The following ISG20L2 variants were observed in gnomAD, a reference collection of about 807,000 sequenced individuals.
The protein encoded by ISG20L2 is interferon stimulated exonuclease gene 20 like 2.
ISG20L2 carries 14 observed loss-of-function variants against 27.8 expected under a neutral mutation model. That is an observed-to-expected ratio of 0.50 (90% CI 0.33 to 0.79). The LOEUF (loss-of-function observed/expected upper bound fraction) is 0.79. Ranked by LOEUF, ISG20L2 falls within the 30% of genes least tolerant of loss-of-function variation. ISG20L2 has a pLI of 0.02. For missense variants in ISG20L2, 393 were observed against 435.1 expected (o/e 0.90, Z 0.86); for synonymous variants, 157 against 165.7 (o/e 0.95, Z 0.40).
In ISG20L2 at chr1:156,727,397, T is replaced by A; in HGVS notation, c.256A>T (p.Asn86Tyr). 1 of 1,614,226 alleles carries A rather than the reference T, an allele frequency of 6.2e-7. No individual in the cohort carries two copies. ...TTGTCCAGGGGCTGTCCTGACCCAT[T>A]GCTGGAAGCAGCTGTCTTCTTTTTT... ...FPKKKTAASSNGSGQPLDKKA... is the reference protein window; with the variant it reads ...FPKKKTAASSYGSGQPLDKKA... The change falls in exon 2 of 4, where the codon AAT becomes TAT. Residue 86 changes from asparagine (N) to tyrosine (Y), a missense_variant. Physicochemically the swap from Asn to Tyr is moderately radical, Grantham distance 143. This residue lies in a region of ISG20L2 where 183 missense variants were observed against 168.2 expected (regional missense o/e 1.09). Transcript: ENST00000368219.
In ISG20L2 at chr1:156,727,447, C is replaced by T. The variant is rs981079721; in HGVS notation, c.206G>A (p.Gly69Asp). 21 of 1,613,894 alleles carry T rather than the reference C, an allele frequency of 1.3e-5. No homozygotes were observed. Among genetic ancestry groups the T allele is most frequent in the Non-Finnish European group, 1.5e-5 (18 of 1,180,014 alleles). Residue 69 changes from glycine (G) to aspartate (D), a missense_variant, in exon 2 of 4, where the codon GGC (glycine) becomes GAC (aspartate). Physicochemically the swap from Gly to Asp is moderately conservative, Grantham distance 94 (BLOSUM62 -1). This residue lies in a region of ISG20L2 where 183 missense variants were observed against 168.2 expected (regional missense o/e 1.09). Transcript: ENST00000368219. ...SKKGETPTVDGTWKTPSFPKK... is the reference protein window; with the variant it reads ...SKKGETPTVDDTWKTPSFPKK... ...TGGGAAGGAAGGGGTCTTCCAAGTG[C>T]CATCGACCGTAGGAGTTTCCCCTTT...
Position 156,724,144 on chromosome 1 carries a change from C to T in ISG20L2, c.948+4G>A, listed in dbSNP as rs887199006. 1.2e-6 allele frequency: 2 copies of T among 1,612,872 alleles called. No individual in the cohort carries two copies. On this transcript the variant is annotated splice_donor_region_variant and intron_variant, in intron 3 of 3. Coordinates refer to ENST00000368219, the MANE Select transcript of ISG20L2 (RefSeq NM_001370150.2). The stretch of plus-strand genomic sequence containing the variant: ...TGGGGGCGGGGGATGTGGGGAGATG[C>T]TACCTGGATATCCCGGTTTAGCAGC...
Position 156,728,504 on chromosome 1 carries a change from C to A in ISG20L2, c.-207G>T. On this transcript the variant is annotated 5_prime_UTR_variant, in exon 1 of 4. Transcript: ENST00000368219. ...GACGAAGCCCGGGAAGGCAGGCGCG[C>A]GGGTTAGAACGCGCCAGAGGTCGGC... 1.0e-6 allele frequency: 1 copy of A among 985,470 alleles called. No individual in the cohort carries two copies. The highest frequency in any genetic ancestry group is 1.2e-6 in the Non-Finnish European group (1 of 829,872). The allele number at this position is 985,470 out of a possible 1,614,324, so 61.0% of individuals were successfully genotyped here.
intron 1 of ISG20L2, chr1:156,728,076 G>C (rs1648889319): frequency 1.0e-6 from 1 of 1,002,522 alleles, no homozygotes; most frequent in Non-Finnish European, 1.2e-6. Flanking sequence ...CTGAGTCTAA[G>C]AGGCTAGAAC....
At position 156,727,249 on chromosome 1, in the gene ISG20L2, C is replaced by A; in HGVS notation, c.404G>T (p.Arg135Leu). The change falls in exon 2 of 4, where the codon CGC (arginine) becomes CTC (leucine). Residue 135 changes from arginine to leucine, a missense_variant. This residue lies in a region of ISG20L2 where 183 missense variants were observed against 168.2 expected (regional missense o/e 1.09). Coordinates refer to ENST00000368219, the MANE Select transcript of ISG20L2 (RefSeq NM_001370150.2). ...CTTCTGGGAGCTCTTCTTCTGAGAGCGGGTTGGGTGGCTATTGATCTTTGG... is the reference window on the plus strand; with the variant it reads ...CTTCTGGGAGCTCTTCTTCTGAGAGAGGGTTGGGTGGCTATTGATCTTTGG... The part of the protein sequence containing the change: ...ALPKINSHPT[R>L]SQKKSSQKKS... The A allele has an allele frequency of 1.2e-6, 2 of 1,613,980 alleles. No individual in the cohort carries two copies. Among genetic ancestry groups the A allele is most frequent in the South Asian group, 1.1e-5 (1 of 91,078 alleles).
At position 156,723,563 on chromosome 1, in the gene ISG20L2, G is replaced by C. The variant is rs1648627353; in HGVS notation, c.949-101C>G. ...CTCTTCCCCCTGCCTCCGCTACACAGTTTCTTCTGCAGTCAGCAGCCTACA... is the reference window on the plus strand; with the variant it reads ...CTCTTCCCCCTGCCTCCGCTACACACTTTCTTCTGCAGTCAGCAGCCTACA... On this transcript the variant is annotated intron_variant, in intron 3 of 3. Transcript: ENST00000368219. 5.2e-6 allele frequency: 8 copies of C among 1,538,876 alleles called. No homozygotes were observed. The South Asian group carries it at 9.8e-5, about 19-fold the overall frequency.
Position 156,728,685 on chromosome 1 carries a change from A to T in ISG20L2, c.-388T>A. The T allele has an allele frequency of 1.0e-6, 1 of 989,062 alleles. No homozygotes were observed. The highest frequency in any genetic ancestry group is 4.5e-5 in the South Asian group (1 of 22,410). The allele number at this position is 989,062 out of a possible 1,614,324, so 61.3% of individuals were successfully genotyped here. A position where few individuals can be genotyped will look rare whatever the true frequency, so the allele number is the denominator to read the frequency against. On this transcript the variant is annotated 5_prime_UTR_variant, in exon 1 of 4. Coordinates refer to ENST00000368219, the MANE Select transcript of ISG20L2 (RefSeq NM_001370150.2). Reference sequence around the variant, plus strand: ...TCTAGCCCCGTGGTGGTACAACGCGAAGGTGTGGGAAGGCCGCGATAAACC... The same window carrying T: ...TCTAGCCCCGTGGTGGTACAACGCGTAGGTGTGGGAAGGCCGCGATAAACC...
At chr1:156,724,802 A>T in intron 2 of ISG20L2, 1 of 395,420 alleles carries the variant, frequency 2.5e-6, no homozygotes, top group Non-Finnish European at 3.4e-6. Context: ...TGGGTACTAG[A>T]GGAAGAGAAT....
intron 3 of ISG20L2, 128 bp from the exon 4 acceptor site, chr1:156,723,590 A>C: frequency 1.3e-6 from 2 of 1,481,860 alleles, no homozygotes; most frequent in South Asian, 1.3e-5. Flanking sequence ...CAGCCTACAA[A>C]GACAGAATTC....
At chr1:156,726,162 A>T (rs1283612673) in intron 2 of ISG20L2, 1 of 985,298 alleles carries the variant, frequency 1.0e-6, no homozygotes, top group Non-Finnish European at 1.2e-6. Context: ...CAGTTGGACA[A>T]TATATACCCC....
rs201545907 is a variant in ISG20L2, at chr1:156,724,286, G to C, written c.810C>G (p.Ala270=). The C allele has an allele frequency of 6.2e-6, 10 of 1,613,950 alleles. No individual in the cohort carries two copies. Among genetic ancestry groups the C allele is most frequent in the Non-Finnish European group, 6.8e-6 (8 of 1,179,952 alleles). Residue 270 remains alanine, a synonymous_variant, in exon 3 of 4, where the codon GCC becomes GCG. Coordinates refer to ENST00000368219, the MANE Select transcript of ISG20L2 (RefSeq NM_001370150.2). ...VGHAIHNDFK[A]LQYFHPKSLT... ...GGGACTTGGGGTGAAAGTACTGAAG[G>C]GCTTTGAAGTCGTTGTGGATGGCAT...
chr1:156,723,844 G>A (rs201886332), intron 3 of ISG20L2: 21 of 1,251,500 alleles, frequency 1.7e-5, no homozygotes, highest in East Asian at 1.5e-4. Context: ...GAAATATAGC[G>A]TGTAAAATAC....
intron 2 of ISG20L2, 40 bp from the exon 3 acceptor site, chr1:156,724,388 T>A (rs773488563): frequency 1.5e-5 from 23 of 1,551,918 alleles, no homozygotes; most frequent in Non-Finnish European, 2.0e-5. Context: ...GAAGGAAGAC[T>A]GAAGTGGAAC....
rs1648825740 is a variant in ISG20L2, at chr1:156,727,300, A to T, written c.353T>A (p.Leu118Ter). ...KADSVAAKVDLLGEFQSALPK... is the reference protein window; with the variant it reads ...KADSVAAKVD ...AAGGGCACTCTGGAACTCCCCCAGC[A>T]AATCTACTTTAGCAGCAACAGAATC... is the stretch of plus-strand genomic sequence containing the variant. The change falls in exon 2 of 4, where the codon TTG becomes TAG. Residue 118 changes from leucine (L) to a stop codon, truncating the protein, a stop_gained. Coordinates refer to ENST00000368219, the MANE Select transcript of ISG20L2 (RefSeq NM_001370150.2). LOFTEE classifies it high-confidence loss of function. The T allele has an allele frequency of 1.2e-6, 2 of 1,614,084 alleles. No individual in the cohort carries two copies. The highest frequency in any genetic ancestry group is 1.7e-6 in the Non-Finnish European group (2 of 1,180,040).
chr1:156,724,158 C>T lies in ISG20L2; in HGVS notation c.938G>A (p.Arg313Gln), dbSNP rs749501052. The change falls in exon 3 of 4, where the codon CGG (arginine) becomes CAG (glutamine). Residue 313 changes from arginine to glutamine, a missense_variant. By Grantham distance (43) the Arg-to-Gln change is conservative. Coordinates refer to ENST00000368219, the MANE Select transcript of ISG20L2 (RefSeq NM_001370150.2). ...LKHLTKKLLNRDIQVGKSGHS... is the reference protein window; with the variant it reads ...LKHLTKKLLNQDIQVGKSGHS... ...GTGGGGAGATGCTACCTGGATATCC[C>T]GGTTTAGCAGCTTCTTGGTGAGATG... 24 of 1,613,042 alleles carry T rather than the reference C, an allele frequency of 1.5e-5. No individual in the cohort carries two copies. Among genetic ancestry groups the T allele is most frequent in the Non-Finnish European group, 1.7e-5 (20 of 1,179,778 alleles).
chr1:156,728,760 G>A lies in ISG20L2; in HGVS notation c.-463C>T, dbSNP rs1160015560. The A allele has an allele frequency of 4.8e-6, 5 of 1,039,304 alleles. No homozygotes were observed. Among genetic ancestry groups the A allele is most frequent in the Non-Finnish European group, 5.8e-6 (5 of 862,540 alleles). The allele number at this position is 1,039,304 out of a possible 1,614,324, so 64.4% of individuals were successfully genotyped here. A position where few individuals can be genotyped will look rare whatever the true frequency, so the allele number is the denominator to read the frequency against. ...CCGGCTTCACTTCCGTAAGAGGAGA[G>A]GAGTGTACGGCAAGGGGCGGGAACT... On this transcript the variant is annotated 5_prime_UTR_variant, in exon 1 of 4. Transcript: ENST00000368219.
chr1:156,724,400 C>CCT, intron 2 of ISG20L2, 52 bp from the exon 3 acceptor site: 2 of 1,508,068 alleles, frequency 1.3e-6, no homozygotes, highest in South Asian at 2.4e-5. Flanking sequence ...AAGTGGAACC[C>CCT]CTGCATTCTG....
At chr1:156,724,811 ATCTGTGGC>A in intron 2 of ISG20L2, 1 of 357,490 alleles carries the variant, frequency 2.8e-6, no homozygotes, top group Non-Finnish European at 3.9e-6. Flanking sequence ...GAGGAAGAGA[ATCTGTGGC>A]TTTCATCAAA....
At chr1:156,728,166 C>CTGGGCTACCCAGGCATCCGCAGCG in intron 1 of ISG20L2, 1 of 986,788 alleles carries the variant, frequency 1.0e-6, no homozygotes, top group Non-Finnish European at 1.2e-6. Context: ...TAGATAACCT[C>CTGGGCTACCCAGGCATCCGCAGCG]TGGGCTACCC....
Sources: gnomAD v4.1 joint callset for allele counts on GRCh38, gnomAD v4.1.1 for gene constraint, gnomAD v4.1.1 regional missense constraint, MANE v1.5 for transcripts, NCBI Gene and HGNC (gene_info 2026-07-23, HGNC 2026-07-21) for gene names.